NEBL: variants seen among roughly 807,000 people sequenced by gnomAD.
NEBL encodes nebulette.
In NEBL, 122 loss-of-function variants were observed where a neutral mutation model predicts 140.2. That is an observed-to-expected ratio of 0.87 (90% CI 0.75 to 1.01). The LOEUF (loss-of-function observed/expected upper bound fraction) is 1.01. Among genes scored for constraint, NEBL ranks in the 50% least tolerant of loss-of-function variants. NEBL has a pLI of 0.00. For synonymous variants in NEBL, 436 were observed against 398.9 expected (o/e 1.09, Z -1.11); for missense variants, 1,365 against 1,231.3 (o/e 1.11, Z -1.62).
intron 26 of NEBL, among the ~76,000 whole-genome samples, chr10:20,797,308 T>C (rs561430881): frequency 6.6e-6 from 1 of 152,210 alleles, no homozygotes; most frequent in East Asian, 1.9e-4. Flanking sequence ...TAACATTTTT[T>C]AAAGACTTAA....
intron 1 of NEBL, among the ~76,000 whole-genome samples, chr10:21,253,522 T>A (rs1842614379): frequency 6.7e-6 from 1 of 150,102 alleles, no homozygotes; most frequent in South Asian, 2.1e-4. Flanking sequence ...TGGGAAAACG[T>A]CATTACTTTT....
intron 2 of NEBL, among the ~76,000 whole-genome samples, chr10:21,089,887 T>C (rs1309627056): frequency 6.6e-6 from 1 of 152,190 alleles, no homozygotes; most frequent in Non-Finnish European, 1.5e-5. Context: ...AATTACCCAT[T>C]TGTAGCACTG....
At chr10:21,093,767 T>C (rs935454685) in intron 2 of NEBL, among the ~76,000 whole-genome samples, 4 of 152,244 alleles carry the variant, frequency 2.6e-5, no homozygotes, top group South Asian at 4.1e-4. Context: ...CTGAAAAATC[T>C]ACTGCTTCGT....
At chr10:21,150,068 A>C (rs74782690) in intron 2 of NEBL, among the ~76,000 whole-genome samples, 3,031 of 152,272 alleles carry the variant, frequency 0.02, 40 homozygotes, top group African/African-American at 0.043. Context: ...TTGACTTCTA[A>C]ACTAAATAAA....
At chr10:21,097,993 T>C (rs537697735) in intron 2 of NEBL, among the ~76,000 whole-genome samples, 10 of 152,316 alleles carry the variant, frequency 6.6e-5, no homozygotes, top group Admixed American at 3.3e-4. Context: ...AATAATCTCC[T>C]TTTGAATCTT....
intron 3 of NEBL, among the ~76,000 whole-genome samples, chr10:21,236,921 T>C (rs1422147446): frequency 6.6e-6 from 1 of 152,196 alleles, no homozygotes; most frequent in Non-Finnish European, 1.5e-5. Flanking sequence ...GGTACTATTA[T>C]TATTCCCCCT....
chr10:20,807,380 AG>A (rs1208193693), intron 26 of NEBL, among the ~76,000 whole-genome samples: 1 of 152,184 alleles, frequency 6.6e-6, no homozygotes, highest in Non-Finnish European at 1.5e-5. Context: ...AGACACAAAA[AG>A]GGGAGATTTT....
intron 2 of NEBL, among the ~76,000 whole-genome samples, chr10:21,145,040 TA>T (rs750410434): frequency 7.1e-4 from 96 of 136,044 alleles, no homozygotes; most frequent in Non-Finnish European, 1.1e-3. Context: ...GGCAAAAAAA[TA>T]AAATAAAAGA....
chr10:21,214,862 G>T (rs781589942), intron 3 of NEBL, among the ~76,000 whole-genome samples: 1 of 152,186 alleles, frequency 6.6e-6, no homozygotes, highest in Admixed American at 6.5e-5. Context: ...AATATCCTGT[G>T]TTCTTTTAGA....
chr10:21,168,356 G>GT (rs765193911), intron 2 of NEBL, among the ~76,000 whole-genome samples: 1 of 152,154 alleles, frequency 6.6e-6, no homozygotes, highest in Non-Finnish European at 1.5e-5. Flanking sequence ...AATTATGGAT[G>GT]TTTTTTCATA....
At chr10:20,949,997 G>T (rs1167538112) in intron 4 of NEBL, among the ~76,000 whole-genome samples, 2 of 152,184 alleles carry the variant, frequency 1.3e-5, no homozygotes, top group African/African-American at 4.8e-5. Context: ...TATGACTCGT[G>T]TTCAATTCCT....
chr10:20,895,136 G>A (rs1847367621), intron 2 of NEBL, among the ~76,000 whole-genome samples: 1 of 151,974 alleles, frequency 6.6e-6, no homozygotes, highest in Admixed American at 6.6e-5. Context: ...TAAAGTCACT[G>A]ATAGACAATC....
chr10:21,105,026 T>A (rs74121021), intron 2 of NEBL, among the ~76,000 whole-genome samples: 81 of 152,324 alleles, frequency 5.3e-4, no homozygotes, highest in African/African-American at 1.9e-3. Context: ...AAACATTGAT[T>A]GATCTTTTTT....
chr10:20,927,733 C>A (rs10764293), intron 4 of NEBL, among the ~76,000 whole-genome samples: 1 of 152,080 alleles, frequency 6.6e-6, no homozygotes, highest in East Asian at 1.9e-4. Context: ...CTGTGGCAGC[C>A]AGACAGCCAG....
At chr10:20,790,031 G>A (rs1835818504) in intron 26 of NEBL, among the ~76,000 whole-genome samples, 1 of 151,488 alleles carries the variant, frequency 6.6e-6, no homozygotes, top group Non-Finnish European at 1.5e-5. Flanking sequence ...CTTTGAAAGG[G>A]AACCTGTGCT....
chr10:21,126,922 C>A (rs1306956100), intron 2 of NEBL, among the ~76,000 whole-genome samples: 1 of 138,448 alleles, frequency 7.2e-6, no homozygotes, highest in East Asian at 2.2e-4. Flanking sequence ...TTCTAGTGAG[C>A]AGAGATCGAG....
At chr10:21,212,594 C>T (rs936125113) in intron 3 of NEBL, among the ~76,000 whole-genome samples, 5 of 152,174 alleles carry the variant, frequency 3.3e-5, no homozygotes, top group African/African-American at 1.2e-4. Flanking sequence ...GGTGGAATCA[C>T]CCGGTTCTTC....
At chr10:21,160,367 C>T (rs7915827) in intron 2 of NEBL, among the ~76,000 whole-genome samples, 3 of 152,056 alleles carry the variant, frequency 2.0e-5, no homozygotes, top group African/African-American at 7.2e-5. Context: ...GACTCCCAGC[C>T]AATTAAACCT....
At chr10:21,065,642 T>A (rs1835499445) in intron 2 of NEBL, among the ~76,000 whole-genome samples, 1 of 152,210 alleles carries the variant, frequency 6.6e-6, no homozygotes, top group South Asian at 2.1e-4. Flanking sequence ...TCTAGCATCT[T>A]CACACAAAGC....
Sources: gnomAD v4.1 joint callset for allele counts (sites outside exome capture counted in the v4.1 genomes callset) on GRCh38, gnomAD v4.1.1 for gene constraint, MANE v1.5 for transcripts, NCBI Gene and HGNC (gene_info 2026-07-23, HGNC 2026-07-21) for gene names.